RAPGEF4: variants seen among roughly 807,000 people sequenced by gnomAD.
RAPGEF4 encodes RAP guanine-nucleotide-exchange factor (GEF) 4.
RAPGEF4 carries 66 observed loss-of-function variants against 147.9 expected under a neutral mutation model. That is an observed-to-expected ratio of 0.45 (90% CI 0.37 to 0.55). The LOEUF is 0.55. RAPGEF4 is among the 20% of genes least tolerant of loss of function. The pLI, the probability that RAPGEF4 is intolerant of heterozygous loss-of-function variation, is 0.00. For synonymous variants in RAPGEF4, 419 were observed against 442.7 expected, an observed-to-expected ratio of 0.95 and a Z score of 0.67; for missense variants, 1,071 against 1,257.3, an observed-to-expected ratio of 0.85 and a Z score of 2.24.
chr2:172,778,546 C>G (rs183688028), intron 1 of RAPGEF4, among the ~76,000 whole-genome samples: 2 of 152,058 alleles, frequency 1.3e-5, no homozygotes, highest in East Asian at 3.9e-4. Flanking sequence ...AATAATAAAC[C>G]TTGTAGTTGC....
At chr2:172,822,800 G>A (rs182616713) in intron 4 of RAPGEF4, among the ~76,000 whole-genome samples, 17 of 152,338 alleles carry the variant, frequency 1.1e-4, no homozygotes, top group Admixed American at 1.0e-3. Context: ...CCCCTGCACT[G>A]TTCTCTTACA....
intron 3 of RAPGEF4, among the ~76,000 whole-genome samples, chr2:172,801,131 G>A (rs1231565258): frequency 1.3e-5 from 2 of 152,188 alleles, no homozygotes; most frequent in African/African-American, 2.4e-5. Flanking sequence ...TGACATAGGT[G>A]CAGCTTTCCC....
At chr2:172,826,557 C>T (rs1356859540) in intron 4 of RAPGEF4, among the ~76,000 whole-genome samples, 4 of 152,136 alleles carry the variant, frequency 2.6e-5, no homozygotes, top group Non-Finnish European at 5.9e-5. Context: ...GCACATAGAA[C>T]TTAAAAATGG....
In RAPGEF4 at chr2:172,952,685, A is replaced by T. The variant is rs150110892; in HGVS notation, c.538-8075A>T. 4.7e-4 allele frequency among the ~76,000 whole-genome samples: 72 copies of T among 152,332 alleles called. No homozygotes were observed. The East Asian group carries it at 0.013, about 28-fold the overall frequency. ...AAGAGAACCATTCTTACTGGTAAGA[A>T]CAGGGACCTCTCTAAAGTTACCATT... is the stretch of plus-strand genomic sequence containing the variant. On this transcript the variant is annotated intron_variant, in intron 6 of 30. Coordinates refer to ENST00000397081, the MANE Select transcript of RAPGEF4 (RefSeq NM_007023.4).
intron 4 of RAPGEF4, among the ~76,000 whole-genome samples, chr2:172,831,282 T>TG (rs1401509441): frequency 7.2e-6 from 1 of 139,554 alleles, no homozygotes; most frequent in Non-Finnish European, 1.6e-5. Flanking sequence ...TTTTTTTTTT[T>TG]TTTGAGACAG....
chr2:172,830,259 G>A (rs185926874), intron 4 of RAPGEF4, among the ~76,000 whole-genome samples: 26 of 152,272 alleles, frequency 1.7e-4, no homozygotes, highest in Middle Eastern at 3.4e-3. Context: ...TTGCAGTGAA[G>A]AAGAAATTAT....
At chr2:172,799,917 G>A (rs1686800962) in intron 3 of RAPGEF4, among the ~76,000 whole-genome samples, 1 of 152,074 alleles carries the variant, frequency 6.6e-6, no homozygotes, top group Admixed American at 6.6e-5. Flanking sequence ...TCTGGCCAGG[G>A]GTTTCGGGAA....
At chr2:172,818,472 A>G (rs1037595332) in intron 4 of RAPGEF4, among the ~76,000 whole-genome samples, 12 of 152,228 alleles carry the variant, frequency 7.9e-5, no homozygotes, top group African/African-American at 2.7e-4. Context: ...CAGGTTCCAA[A>G]TAGTAAAAAT....
rs186916450 is a variant in RAPGEF4 at position 172,957,410 on chromosome 2, A to C, written c.538-3350A>C. ...TAAATAATCTGACACAAAGGCAATA[A>C]AGTTACACTTGTAATGCAGGGGTCT... On this transcript the variant is annotated intron_variant, in intron 6 of 30. Coordinates refer to ENST00000397081, the MANE Select transcript of RAPGEF4 (RefSeq NM_007023.4). Among the ~76,000 whole-genome samples the C allele has an allele frequency of 2.2e-4, 34 of 152,342 alleles. No individual in the cohort carries two copies. The East Asian group carries it at 5.8e-3, about 26-fold the overall frequency.
chr2:173,001,994 A>AAAAAAAAAAAAAAAT lies in RAPGEF4; in HGVS notation c.1658+664_1658+665insTAAAAAAAAAAAAAA, dbSNP rs1693978315. Among the ~76,000 whole-genome samples, 2 of 16,196 alleles carry AAAAAAAAAAAAAAAT rather than the reference A, an allele frequency of 1.2e-4. 1 individual carries two copies. Among genetic ancestry groups the AAAAAAAAAAAAAAAT allele is most frequent in the Admixed American group, 1.7e-3 (2 of 1,154 alleles). 10.6% of individuals were successfully genotyped at this position (16,196 alleles called of 152,430 possible). A position where few individuals can be genotyped will look rare whatever the true frequency, so the allele number is the denominator to read the frequency against. On this transcript the variant is annotated intron_variant, in intron 17 of 30. Coordinates refer to ENST00000397081, the MANE Select transcript of RAPGEF4 (RefSeq NM_007023.4). ...CTTACCACAGGAAGGTGATGCTGGC[A>AAAAAAAAAAAAAAAT]AAAAAAAAAAAAAAAAAAAAATCCA...
chr2:172,873,389 C>T (rs1000848693), intron 4 of RAPGEF4, among the ~76,000 whole-genome samples: 2 of 152,130 alleles, frequency 1.3e-5, no homozygotes, highest in East Asian at 1.9e-4. Flanking sequence ...AAAGCCAAGA[C>T]ATTTTAACTG....
chr2:172,920,912 C>T (rs185369977), intron 5 of RAPGEF4, among the ~76,000 whole-genome samples: 2 of 152,072 alleles, frequency 1.3e-5, no homozygotes, highest in Admixed American at 1.3e-4. Context: ...TGATAGCGAG[C>T]CTGTTAATAC....
chr2:172,821,435 GT>G (rs1689050858), intron 4 of RAPGEF4: 1 of 352,732 alleles, frequency 2.8e-6, no homozygotes, highest in Non-Finnish European at 4.0e-6. Context: ...AGCTTGTACT[GT>G]AGGGTTACTT....
chr2:172,999,791 T>A (rs1377020813), intron 16 of RAPGEF4, among the ~76,000 whole-genome samples: 1 of 152,208 alleles, frequency 6.6e-6, no homozygotes, highest in Non-Finnish European at 1.5e-5. Flanking sequence ...CATCACTCAG[T>A]GTCACCAGTC....
chr2:172,786,772 A>T (rs549243771), intron 1 of RAPGEF4, among the ~76,000 whole-genome samples: 9 of 152,140 alleles, frequency 5.9e-5, no homozygotes, highest in Non-Finnish European at 1.0e-4. Context: ...GCTTCGTGAG[A>T]GTCTGATGCA....
intron 4 of RAPGEF4, among the ~76,000 whole-genome samples, chr2:172,883,603 A>G (rs1417813780): frequency 6.6e-6 from 1 of 152,214 alleles, no homozygotes; most frequent in East Asian, 1.9e-4. Context: ...AGAGGAAGGA[A>G]AATAGGACCT....
intron 4 of RAPGEF4, among the ~76,000 whole-genome samples, chr2:172,881,056 G>A (rs1696561982): frequency 6.6e-6 from 1 of 152,092 alleles, no homozygotes; most frequent in African/African-American, 2.4e-5. Flanking sequence ...TTTAACTCAG[G>A]AACATTGTCA....
At chr2:172,881,551 T>C (rs1417375226) in intron 4 of RAPGEF4, among the ~76,000 whole-genome samples, 2 of 152,240 alleles carry the variant, frequency 1.3e-5, no homozygotes, top group East Asian at 3.8e-4. Context: ...CTTCCTCGGA[T>C]AGAAGGAAGC....
At chr2:172,896,323 A>G (rs1698475659) in intron 4 of RAPGEF4, among the ~76,000 whole-genome samples, 1 of 152,194 alleles carries the variant, frequency 6.6e-6, no homozygotes, top group African/African-American at 2.4e-5. Context: ...AGATAAGATA[A>G]TTTTCAGGAT....
Sources: allele counts gnomAD v4.1 joint callset (sites outside exome capture counted in the v4.1 genomes callset), GRCh38; gene constraint gnomAD v4.1.1; transcripts MANE v1.5; gene names NCBI Gene and HGNC (gene_info 2026-07-23, HGNC 2026-07-21).